Variants in CARD6 observed in about 807,000 individuals in gnomAD.
CARD6 encodes caspase recruitment domain-containing protein 6.
CARD6 carries 27 observed loss-of-function variants against 23.6 expected under a neutral mutation model. The observed-to-expected ratio is 1.14, with a 90% CI of 0.84 to 1.58. CARD6 has a LOEUF of 1.58. CARD6 is among the 40% of genes most tolerant of loss of function. CARD6 has a pLI of 0.00. For synonymous variants in CARD6, 397 were observed against 431.8 expected (o/e 0.92, Z 1.00); for missense variants, 1,214 against 1,209.9 (o/e 1.00, Z -0.05).
Position 40,852,909 on chromosome 5 carries a change from C to G in CARD6, c.1577C>G (p.Pro526Arg). The G allele has an allele frequency of 6.2e-7, 1 of 1,613,590 alleles. No homozygotes were observed. Among genetic ancestry groups the G allele is most frequent in the East Asian group, 2.2e-5 (1 of 44,886 alleles). ...AAGGAAAACCCCTTTTTCCAAAAGC[C>G]TGTTGCTCTGGCTAATCTCCGTGGA... ...DRKENPFFQK[P>R]VALANLRGNL... Residue 526 changes from proline to arginine, a missense_variant, in exon 3 of 3, where the codon CCT (proline) becomes CGT (arginine). Coordinates refer to ENST00000254691, the MANE Select transcript of CARD6 (RefSeq NM_032587.4).
At chr5:40,848,288 C>A (rs959651796) in intron 2 of CARD6, among the ~76,000 whole-genome samples, 2 of 150,194 alleles carry the variant, frequency 1.3e-5, no homozygotes, top group Admixed American at 6.7e-5. Context: ...TGGCTCACTG[C>A]AGCCTCAGTC....
At chr5:40,847,060 A>AT (rs537078463) in intron 2 of CARD6, among the ~76,000 whole-genome samples, 6 of 152,364 alleles carry the variant, frequency 3.9e-5, no homozygotes, top group African/African-American at 1.4e-4. Flanking sequence ...AGTAAAACAG[A>AT]TCAAGAGAAG....
At position 40,851,034 on chromosome 5, in the gene CARD6, G is replaced by A. The variant is rs1429454563; in HGVS notation, c.842-1140G>A. 5.3e-5 allele frequency among the ~76,000 whole-genome samples: 8 copies of A among 152,038 alleles called. No homozygotes were observed. The East Asian group carries it at 1.6e-3, about 30-fold the overall frequency. On this transcript the variant is annotated intron_variant, in intron 2 of 2. Transcript: ENST00000254691. ...ATTTGTTTAGTATAATATCATTTAT[G>A]TAAAAAAAAATAGCATGGGCTGGGC... is the stretch of plus-strand genomic sequence containing the variant.
chr5:40,852,678 T>A lies in CARD6; in HGVS notation c.1346T>A (p.Leu449His), dbSNP rs764606208. The stretch of plus-strand genomic sequence containing the variant: ...GAGGATACAGAAAAGTTTCTGACTC[T>A]CATGAAGATGCCTGTCATCTCTTTT... ...PTEDTEKFLT[L>H]MKMPVISFVR... is the part of the protein sequence containing the mutation. Residue 449 changes from leucine to histidine, a missense_variant, in exon 3 of 3, where the codon CTC becomes CAC. Coordinates refer to ENST00000254691, the MANE Select transcript of CARD6 (RefSeq NM_032587.4). 9 of 1,614,172 alleles carry A rather than the reference T, an allele frequency of 5.6e-6. No individual in the cohort carries two copies. The highest frequency in any genetic ancestry group is 1.7e-5 in the Admixed American group (1 of 60,016).
chr5:40,848,664 A>T (rs1388855698), intron 2 of CARD6, among the ~76,000 whole-genome samples: 1 of 151,708 alleles, frequency 6.6e-6, no homozygotes, highest in African/African-American at 2.4e-5. Flanking sequence ...GAGACTCTAG[A>T]TTGTTATATT....
At position 40,841,665 on chromosome 5, in the gene CARD6, G is replaced by T; in HGVS notation, c.283G>T (p.Glu95Ter). 6.2e-7 allele frequency: 1 copy of T among 1,610,580 alleles called. No homozygotes were observed. Among genetic ancestry groups the T allele is most frequent in the East Asian group, 2.2e-5 (1 of 44,786 alleles). ...AGCTGCCATTTGCGGCTTAAGGCAT[G>T]GTAAGTTGACTTTGTATACTTTTTG... The part of the protein sequence containing the change: ...QSAAICGLRH[E>*]VLKHENTVPP... The change falls in exon 1 of 3, where the codon GAA (glutamate) becomes TAA (stop). Residue 95 changes from glutamate to a stop codon, truncating the protein, a stop_gained and splice_region_variant. Coordinates refer to ENST00000254691, the MANE Select transcript of CARD6 (RefSeq NM_032587.4). LOFTEE classifies it high-confidence loss of function.
At position 40,852,686 on chromosome 5, in the gene CARD6, A is replaced by C. The variant is rs1471041683; in HGVS notation, c.1354A>C (p.Met452Leu). 6.2e-7 allele frequency: 1 copy of C among 1,614,128 alleles called. No individual in the cohort carries two copies. The highest frequency in any genetic ancestry group is 1.7e-5 in the Admixed American group (1 of 59,994). The change falls in exon 3 of 3, where the codon ATG (methionine) becomes CTG (leucine). Residue 452 changes from methionine (M) to leucine (L), a missense_variant. Coordinates refer to ENST00000254691, the MANE Select transcript of CARD6 (RefSeq NM_032587.4). ...AGAAAAGTTTCTGACTCTCATGAAGATGCCTGTCATCTCTTTTGTGCGTCT... is the reference window on the plus strand; with the variant it reads ...AGAAAAGTTTCTGACTCTCATGAAGCTGCCTGTCATCTCTTTTGTGCGTCT... ...DTEKFLTLMK[M>L]PVISFVRLGY...
chr5:40,853,493 A>T lies in CARD6; in HGVS notation c.2161A>T (p.Thr721Ser), dbSNP rs1272786647. ...CCAGAATCTTCAGAATCTCTATGGT[A>T]CCCCAGTATTCAGGCCTGTTCTAGA... ...LSQNLQNLYG[T>S]PVFRPVLENS... The change falls in exon 3 of 3, where the codon ACC becomes TCC. Residue 721 changes from threonine (T) to serine (S), a missense_variant. Thr to Ser is a moderately conservative substitution (Grantham distance 58). Coordinates refer to ENST00000254691, the MANE Select transcript of CARD6 (RefSeq NM_032587.4). The T allele has an allele frequency of 1.9e-6, 3 of 1,614,172 alleles. No individual in the cohort carries two copies. The highest frequency in any genetic ancestry group is 2.5e-6 in the Non-Finnish European group (3 of 1,180,016).
Position 40,841,560 on chromosome 5 carries a change from C to A in CARD6, c.178C>A (p.Leu60Met). 1 of 1,614,044 alleles carries A rather than the reference C, an allele frequency of 6.2e-7. No individual in the cohort carries two copies. Residue 60 changes from leucine to methionine, a missense_variant, in exon 1 of 3, where the codon CTG (leucine) becomes ATG (methionine). Coordinates refer to ENST00000254691, the MANE Select transcript of CARD6 (RefSeq NM_032587.4). ...AGATCTCCTGAAGAAAAGTCGGAAG[C>A]TGTTAATTTTGGTACAGAAAAAGGG... ...VTDLLKKSRK[L>M]LILVQKKGEA...
rs1212936158 is a variant in CARD6 at position 40,843,517 on chromosome 5, T to G, written c.649T>G (p.Ser217Ala). The G allele has an allele frequency of 6.2e-7, 1 of 1,608,444 alleles. No individual in the cohort carries two copies. Among genetic ancestry groups the G allele is most frequent in the Non-Finnish European group, 8.5e-7 (1 of 1,178,316 alleles). Residue 217 changes from serine to alanine, a missense_variant, in exon 2 of 3, where the codon TCT becomes GCT. Transcript: ENST00000254691. ...LYLGKEEYLG[S>A]VDTPEDAEAT... ...CTTAGGAAAAGAGGAATATCTAGGATCTGTTGACACCCCTGAAGATGCAGA... is the reference window on the plus strand; with the variant it reads ...CTTAGGAAAAGAGGAATATCTAGGAGCTGTTGACACCCCTGAAGATGCAGA...
intron 2 of CARD6, among the ~76,000 whole-genome samples, 172 bp from the exon 3 acceptor site, chr5:40,852,002 G>A (rs906152229): frequency 6.6e-6 from 1 of 151,926 alleles, no homozygotes; most frequent in African/African-American, 2.4e-5. Context: ...GTGGGTGACT[G>A]TAGTCTCAGC....
chr5:40,843,086 T>A (rs942839354), intron 1 of CARD6, 66 bp from the exon 2 acceptor site: 5 of 1,024,500 alleles, frequency 4.9e-6, no homozygotes, highest in Non-Finnish European at 7.2e-6. Flanking sequence ...CTTTGAGGCC[T>A]CAGGAACTCT....
rs1746089340 is a variant in CARD6 at position 40,852,643 on chromosome 5, G to A, written c.1311G>A (p.Gly437=). Residue 437 remains glycine, a synonymous_variant, in exon 3 of 3, where the codon GGG becomes GGA. Coordinates refer to ENST00000254691, the MANE Select transcript of CARD6 (RefSeq NM_032587.4). ...IVKKQSTQFS[G]GPTEDTEKFL... ...AGAAGCAGTCAACACAGTTTTCAGG[G>A]GGGCCTACAGAGGATACAGAAAAGT... The A allele has an allele frequency of 6.2e-7, 1 of 1,614,042 alleles. No individual in the cohort carries two copies. The highest frequency in any genetic ancestry group is 1.1e-5 in the South Asian group (1 of 91,078).
intron 2 of CARD6, among the ~76,000 whole-genome samples, chr5:40,845,080 C>G (rs1005573947): frequency 3.9e-5 from 6 of 152,064 alleles, no homozygotes; most frequent in Non-Finnish European, 8.8e-5. Context: ...GTTGGCCAGG[C>G]TGGTCTCGAA....
In CARD6 at chr5:40,853,642, T is replaced by A. The variant is rs1318606970; in HGVS notation, c.2310T>A (p.Pro770=). Residue 770 remains proline, a synonymous_variant, in exon 3 of 3, where the codon CCT becomes CCA. Transcript: ENST00000254691. ...GGCCTAAGTGGTTCCATCCTTTGCC[T>A]TTTCAGAATGCAGGGGCCCAGGGCC... ...EQRPKWFHPL[P]FQNAGAQGRG... 15 of 1,614,224 alleles carry A rather than the reference T, an allele frequency of 9.3e-6. No homozygotes were observed.
intron 2 of CARD6, among the ~76,000 whole-genome samples, chr5:40,849,228 C>T (rs559599125): frequency 2.0e-5 from 3 of 152,240 alleles, no homozygotes; most frequent in Admixed American, 1.3e-4. Flanking sequence ...AACTCCTGAC[C>T]TCAGGTGATC....
rs758727831 is a variant in CARD6, at chr5:40,854,366, C to G, written c.3034C>G (p.Pro1012Ala). 2 of 1,614,178 alleles carry G rather than the reference C, an allele frequency of 1.2e-6. No individual in the cohort carries two copies. The highest frequency in any genetic ancestry group is 1.7e-6 in the Non-Finnish European group (2 of 1,180,008). Residue 1012 changes from proline (P) to alanine (A), a missense_variant, in exon 3 of 3, where the codon CCT becomes GCT. Physicochemically the swap from Pro to Ala is conservative, Grantham distance 27. Transcript: ENST00000254691. ...SKPSQPRPPQ[P>A]KSSSTNPSQA... is the part of the protein sequence containing the mutation. Reference sequence around the variant, plus strand: ...GCCTTCTCAGCCCAGACCCCCTCAACCTAAGTCATCCTCAACCAATCCTTC... The same window carrying G: ...GCCTTCTCAGCCCAGACCCCCTCAAGCTAAGTCATCCTCAACCAATCCTTC...
At chr5:40,850,639 T>C (rs1396180646) in intron 2 of CARD6, among the ~76,000 whole-genome samples, 1 of 145,528 alleles carries the variant, frequency 6.9e-6, no homozygotes, top group Non-Finnish European at 1.5e-5. Flanking sequence ...GGAGAATCAC[T>C]TGAACCCGAG....
In CARD6 at chr5:40,852,585, T is replaced by C; in HGVS notation, c.1253T>C (p.Ile418Thr). The change falls in exon 3 of 3, where the codon ATC (isoleucine) becomes ACC (threonine). Residue 418 changes from isoleucine (I) to threonine (T), a missense_variant. Transcript: ENST00000254691. ...LLPDAENNKSILMLGAMKDIV... is the reference protein window; with the variant it reads ...LLPDAENNKSTLMLGAMKDIV... ...CCAGATGCAGAAAACAACAAAAGCA[T>C]CTTAATGCTGGGGGCCATGAAAGAC... 2 of 1,614,152 alleles carry C rather than the reference T, an allele frequency of 1.2e-6. No individual in the cohort carries two copies. Among genetic ancestry groups the C allele is most frequent in the Non-Finnish European group, 1.7e-6 (2 of 1,180,030 alleles).
Sources: allele counts gnomAD v4.1 joint callset (sites outside exome capture counted in the v4.1 genomes callset), GRCh38; gene constraint gnomAD v4.1.1; transcripts MANE v1.5; gene names NCBI Gene and HGNC (gene_info 2026-07-23, HGNC 2026-07-21).